AMPH: variants seen among roughly 807,000 people sequenced by gnomAD.
AMPH encodes the protein amphiphysin.
A neutral mutation model predicts 99.1 loss-of-function variants in AMPH; 49 were observed. That is an observed-to-expected ratio of 0.49 (90% confidence interval 0.39 to 0.63). The LOEUF is 0.63. Among genes scored for constraint, AMPH ranks in the 20% least tolerant of loss-of-function variants. The pLI, the probability that AMPH is intolerant of heterozygous loss-of-function variation, is 0.00. For synonymous variants in AMPH, 314 were observed against 317.3 expected (o/e 0.99, Z 0.11); for missense variants, 759 against 863.4 (o/e 0.88, Z 1.52).
chr7:38,625,326 A>G (rs998587693), intron 1 of AMPH, among the ~76,000 whole-genome samples: 35 of 152,360 alleles, frequency 2.3e-4, no homozygotes, highest in African/African-American at 8.4e-4. Flanking sequence ...GAACAATAAT[A>G]TTGATAAACA....
intron 1 of AMPH, among the ~76,000 whole-genome samples, chr7:38,544,520 C>T (rs1790925207): frequency 6.6e-6 from 1 of 152,206 alleles, no homozygotes; most frequent in African/African-American, 2.4e-5. Context: ...TATAATACGG[C>T]TGTGCCTTTT....
At chr7:38,624,873 G>C (rs1422320065) in intron 1 of AMPH, among the ~76,000 whole-genome samples, 1 of 151,782 alleles carries the variant, frequency 6.6e-6, no homozygotes, top group East Asian at 1.9e-4. Flanking sequence ...GTGAATACAA[G>C]AGTTCCATAC....
intron 1 of AMPH, among the ~76,000 whole-genome samples, chr7:38,622,819 T>G (rs1361748321): frequency 6.7e-6 from 1 of 150,248 alleles, no homozygotes; most frequent in Non-Finnish European, 1.5e-5. Flanking sequence ...TCATGGATAT[T>G]CATTTGTAAA....
intron 17 of AMPH, among the ~76,000 whole-genome samples, chr7:38,398,448 A>T (rs1386248411): frequency 6.6e-6 from 1 of 152,212 alleles, no homozygotes; most frequent in Non-Finnish European, 1.5e-5. Flanking sequence ...GCACAGAAAG[A>T]CAAACTTTGA....
intron 13 of AMPH, 50 bp from the exon 14 acceptor site, chr7:38,429,915 T>A: frequency 6.5e-7 from 1 of 1,538,688 alleles, no homozygotes; most frequent in Non-Finnish European, 8.9e-7. Flanking sequence ...GAAAATTCAC[T>A]AACACAATAA....
At chr7:38,563,450 A>G (rs1791625698) in intron 1 of AMPH, among the ~76,000 whole-genome samples, 1 of 152,200 alleles carries the variant, frequency 6.6e-6, no homozygotes, top group Non-Finnish European at 1.5e-5. Flanking sequence ...TATGAGCTCC[A>G]CAAAAGGAAA....
Position 38,563,134 on chromosome 7 carries a change from G to GATGAATGAATGA in AMPH, c.70-28135_70-28124dup, listed in dbSNP as rs10665097. ...TGCAGATACTTGTTAAGCACTGAATGATGAATGAATGAATGAATGAATGAA... is the reference window on the plus strand; with the variant it reads ...TGCAGATACTTGTTAAGCACTGAATGATGAATGAATGAATGAATGAATGAATGAATGAATGAA... On this transcript the variant is annotated intron_variant, in intron 1 of 20. Transcript: ENST00000356264. Among the ~76,000 whole-genome samples the GATGAATGAATGA allele has an allele frequency of 7.2e-3, 1,079 of 150,544 alleles. 5 individuals carry two copies. The highest frequency in any genetic ancestry group is 0.034 in the East Asian group (174 of 5,108).
In AMPH at chr7:38,436,323, G is replaced by C. The variant is rs772291443; in HGVS notation, c.1083C>G (p.Pro361=). Reference sequence around the variant, plus strand: ...CAGCAGAACCTGCAGGTGTCACCTCGGGCTTGAAAGGATCAAAGTCCAGAT... The same window carrying C: ...CAGCAGAACCTGCAGGTGTCACCTCCGGCTTGAAAGGATCAAAGTCCAGAT... ...LLDLDFDPFK[P]EVTPAGSAGV... Residue 361 remains proline, a synonymous_variant, in exon 12 of 21, where the codon CCC becomes CCG. Coordinates refer to ENST00000356264, the MANE Select transcript of AMPH (RefSeq NM_001635.4). The C allele has an allele frequency of 6.2e-7, 1 of 1,613,980 alleles. No homozygotes were observed. The highest frequency in any genetic ancestry group is 1.3e-5 in the African/African-American group (1 of 74,910).
rs536060013 is a variant in AMPH at position 38,541,380 on chromosome 7, G to A, written c.70-6369C>T. Among the ~76,000 whole-genome samples the A allele has an allele frequency of 1.1e-4, 16 of 152,260 alleles. No individual in the cohort carries two copies. The South Asian group carries it at 2.3e-3, about 22-fold the overall frequency. The stretch of plus-strand genomic sequence containing the variant: ...GGTACTAGTCCTTTGACCTCTTTCC[G>A]AGTGTGTGTCAGGACTTAAGGAAGT... On this transcript the variant is annotated intron_variant, in intron 1 of 20. Transcript: ENST00000356264.
chr7:38,402,235 C>T (rs866397569), intron 17 of AMPH, among the ~76,000 whole-genome samples: 1 of 152,048 alleles, frequency 6.6e-6, no homozygotes, highest in African/African-American at 2.4e-5. Flanking sequence ...TTTCACCTAT[C>T]GAGGTCATCT....
intron 17 of AMPH, among the ~76,000 whole-genome samples, chr7:38,415,515 C>T (rs1474569129): frequency 6.6e-6 from 1 of 152,050 alleles, no homozygotes; most frequent in African/African-American, 2.4e-5. Flanking sequence ...GAAATATAAC[C>T]CTAATATTAT....
At chr7:38,620,540 TAC>T (rs1437167418) in intron 1 of AMPH, among the ~76,000 whole-genome samples, 6 of 114,164 alleles carry the variant, frequency 5.3e-5, no homozygotes, top group South Asian at 3.1e-4. Context: ...GCTATATATA[TAC>T]ATACATACAC....
At chr7:38,575,192 C>A (rs76198620) in intron 1 of AMPH, among the ~76,000 whole-genome samples, 9,645 of 152,082 alleles carry the variant, frequency 0.063, 350 homozygotes, top group East Asian at 0.12. Context: ...TCTATATAGA[C>A]CCTCCATTGG....
intron 11 of AMPH, among the ~76,000 whole-genome samples, chr7:38,446,450 G>C (rs920145403): frequency 6.6e-6 from 1 of 151,110 alleles, no homozygotes; most frequent in Admixed American, 6.6e-5. Flanking sequence ...CCATACAATG[G>C]AATACTACTC....
chr7:38,406,774 CT>C (rs1785020293), intron 17 of AMPH, among the ~76,000 whole-genome samples: 2 of 126,516 alleles, frequency 1.6e-5, no homozygotes, highest in African/African-American at 6.2e-5. Flanking sequence ...CTCTCTCTCT[CT>C]CGTGCTGGAT....
intron 14 of AMPH, 146 bp downstream of exon 14, chr7:38,429,696 C>A: frequency 7.8e-7 from 1 of 1,277,136 alleles, no homozygotes. Context: ...TAAAACCAAA[C>A]TGGAAAGTGA....
At chr7:38,551,821 T>C (rs1335308070) in intron 1 of AMPH, among the ~76,000 whole-genome samples, 2 of 152,128 alleles carry the variant, frequency 1.3e-5, no homozygotes, top group East Asian at 1.9e-4. Flanking sequence ...AACAAACTGT[T>C]AGAAAATTGG....
chr7:38,459,002 T>A (rs73120213), intron 11 of AMPH, among the ~76,000 whole-genome samples: 3,942 of 152,052 alleles, frequency 0.026, 75 homozygotes, highest in Admixed American at 0.054. Flanking sequence ...CCTCCTAAAT[T>A]TGATAAATAA....
intron 1 of AMPH, among the ~76,000 whole-genome samples, chr7:38,549,958 T>C (rs187874185): frequency 8.1e-4 from 123 of 152,384 alleles, no homozygotes; most frequent in African/African-American, 2.8e-3. Flanking sequence ...TCCACTCCTG[T>C]GTATCTGTTA....
Sources: allele counts gnomAD v4.1 joint callset (sites outside exome capture counted in the v4.1 genomes callset), GRCh38; gene constraint gnomAD v4.1.1; transcripts MANE v1.5; gene names NCBI Gene and HGNC (gene_info 2026-07-23, HGNC 2026-07-21).